Variants in ADAMTSL1 observed in about 807,000 individuals in gnomAD.
ADAMTSL1 encodes the protein ADAMTS like 1.
A neutral mutation model predicts 201.8 loss-of-function variants in ADAMTSL1; 126 were observed. The observed-to-expected ratio is 0.62, with a 90% CI of 0.54 to 0.72. The LOEUF is 0.72. Among genes scored for constraint, ADAMTSL1 ranks in the 30% least tolerant of loss-of-function variants. ADAMTSL1 has a pLI of 0.00. For synonymous variants in ADAMTSL1, 1,121 were observed against 903.4 expected, an observed-to-expected ratio of 1.24 and a Z score of -4.32; for missense variants, 2,679 against 2,277.8, an observed-to-expected ratio of 1.18 and a Z score of -3.59.
chr9:18,661,470 C>G (rs1829088962), intron 8 of ADAMTSL1, among the ~76,000 whole-genome samples: 1 of 152,142 alleles, frequency 6.6e-6, no homozygotes, highest in Non-Finnish European at 1.5e-5. Flanking sequence ...GCTGGCCCCC[C>G]ATGTGCAAGG....
intron 5 of ADAMTSL1, among the ~76,000 whole-genome samples, chr9:18,624,931 A>G (rs962260384): frequency 5.9e-5 from 9 of 152,254 alleles, no homozygotes; most frequent in African/African-American, 2.2e-4. Flanking sequence ...GTCTCATGAC[A>G]AAATGATTGA....
intron 3 of ADAMTSL1, among the ~76,000 whole-genome samples, chr9:18,570,990 T>A (rs1822260624): frequency 6.6e-6 from 1 of 152,184 alleles, no homozygotes; most frequent in African/African-American, 2.4e-5. Context: ...TGTCTAAATG[T>A]GTTTACTGTG....
intron 2 of ADAMTSL1, among the ~76,000 whole-genome samples, chr9:18,294,911 A>G (rs10117046): frequency 0.46 from 69,331 of 151,816 alleles, 16,815 homozygotes; most frequent in South Asian, 0.69. Flanking sequence ...ATAGACTTCT[A>G]TGTCCTTCTT....
chr9:18,879,224 T>C (rs1490434683), intron 23 of ADAMTSL1, among the ~76,000 whole-genome samples: 3 of 152,210 alleles, frequency 2.0e-5, no homozygotes, highest in Non-Finnish European at 4.4e-5. Context: ...TAAAAGCACC[T>C]TAAAGGTTAT....
At chr9:18,101,171 A>T (rs572037121) in intron 1 of ADAMTSL1, among the ~76,000 whole-genome samples, 3 of 152,116 alleles carry the variant, frequency 2.0e-5, no homozygotes, top group Non-Finnish European at 4.4e-5. Flanking sequence ...AGTAGATTCT[A>T]ATTTAAATGA....
chr9:18,430,568 G>T (rs1167400164), intron 2 of ADAMTSL1, among the ~76,000 whole-genome samples: 1 of 152,036 alleles, frequency 6.6e-6, no homozygotes, highest in East Asian at 1.9e-4. Context: ...CATTTAAAAG[G>T]GTTTCATGTG....
chr9:18,838,627 G>C (rs1825490508), intron 23 of ADAMTSL1, among the ~76,000 whole-genome samples: 2 of 152,024 alleles, frequency 1.3e-5, no homozygotes, highest in Non-Finnish European at 2.9e-5. Context: ...AAGCATTTAA[G>C]ACCAGCCTGG....
intron 1 of ADAMTSL1, among the ~76,000 whole-genome samples, chr9:18,128,616 G>A (rs894123658): frequency 6.6e-6 from 1 of 152,126 alleles, no homozygotes; most frequent in Non-Finnish European, 1.5e-5. Context: ...TGGCCCGACA[G>A]TTTGAACTAT....
Position 18,359,622 on chromosome 9 carries a change from G to A in ADAMTSL1, c.208-145207G>A, listed in dbSNP as rs1214082166. On this transcript the variant is annotated intron_variant, in intron 2 of 29. Transcript: ENST00000680146. ...GAAAATTACAGTAATTCCCATTAAG[G>A]AAATGACTGCTTTCTTCTGCACCAA... Among the ~76,000 whole-genome samples the A allele has an allele frequency of 2.6e-5, 4 of 152,224 alleles. No individual in the cohort carries two copies. The East Asian group carries it at 7.7e-4, about 29-fold the overall frequency.
intron 1 of ADAMTSL1, among the ~76,000 whole-genome samples, chr9:17,920,886 G>A (rs1290705822): frequency 1.3e-5 from 2 of 152,242 alleles, no homozygotes; most frequent in Admixed American, 6.5e-5. Flanking sequence ...CCAGGCAAGA[G>A]GGCGGATTTG....
intron 1 of ADAMTSL1, among the ~76,000 whole-genome samples, chr9:17,986,347 C>T (rs1818928973): frequency 6.6e-6 from 1 of 151,992 alleles, no homozygotes; most frequent in Admixed American, 6.6e-5. Flanking sequence ...AAGGCTGACC[C>T]ATTCATTCAA....
intron 2 of ADAMTSL1, among the ~76,000 whole-genome samples, chr9:18,515,937 C>A (rs1811187284): frequency 6.6e-6 from 1 of 152,036 alleles, no homozygotes; most frequent in African/African-American, 2.4e-5. Context: ...AGGTTAATGT[C>A]CTAGTGATTC....
chr9:18,013,516 G>A (rs1820137698), intron 1 of ADAMTSL1, among the ~76,000 whole-genome samples: 1 of 151,918 alleles, frequency 6.6e-6, no homozygotes, highest in African/African-American at 2.4e-5. Context: ...TTTTCTAATG[G>A]TAAATAGCCA....
At chr9:17,974,137 T>A (rs1418894570) in intron 1 of ADAMTSL1, among the ~76,000 whole-genome samples, 1 of 151,986 alleles carries the variant, frequency 6.6e-6, no homozygotes, top group East Asian at 1.9e-4. Flanking sequence ...ACAGCCAATA[T>A]CATACTGAAT....
chr9:18,447,187 A>ATATAG (rs761743847), intron 2 of ADAMTSL1, among the ~76,000 whole-genome samples: 3 of 152,196 alleles, frequency 2.0e-5, no homozygotes, highest in Non-Finnish European at 4.4e-5. Flanking sequence ...TTTCTGTATT[A>ATATAG]TATAGTAATG....
At chr9:17,958,817 G>A (rs1828028137) in intron 1 of ADAMTSL1, among the ~76,000 whole-genome samples, 1 of 152,116 alleles carries the variant, frequency 6.6e-6, no homozygotes, top group Non-Finnish European at 1.5e-5. Context: ...ATTACAGAAA[G>A]ATAACCCTAT....
At chr9:18,790,016 C>A (rs1406099183) in intron 19 of ADAMTSL1, among the ~76,000 whole-genome samples, 2 of 152,110 alleles carry the variant, frequency 1.3e-5, no homozygotes, top group African/African-American at 2.4e-5. Flanking sequence ...AGTAGATGGG[C>A]ATTTCTCTAC....
At position 17,909,630 on chromosome 9, in the gene ADAMTSL1, C is replaced by T. The variant is rs1825858181; in HGVS notation, c.87+2708C>T. On this transcript the variant is annotated intron_variant, in intron 1 of 29. Coordinates refer to the ADAMTSL1 transcript ENST00000680146. ...GGATTAAGAAAATGTGGCACATATA[C>T]ACCATGGAATACTATGCAGCCATAA... 2.9e-5 allele frequency among the ~76,000 whole-genome samples: 2 copies of T among 68,026 alleles called. 1 individual carries two copies. The highest frequency in any genetic ancestry group is 3.6e-4 in the Admixed American group (2 of 5,612). 44.6% of individuals were successfully genotyped at this position (68,026 alleles called of 152,430 possible).
chr9:18,112,445 C>G (rs1253565010), intron 1 of ADAMTSL1, among the ~76,000 whole-genome samples: 4 of 151,752 alleles, frequency 2.6e-5, no homozygotes, highest in African/African-American at 9.7e-5. Flanking sequence ...ACTCAGTTGC[C>G]CATAACAGTT....
Sources: allele counts gnomAD v4.1 joint callset (sites outside exome capture counted in the v4.1 genomes callset), GRCh38; gene constraint gnomAD v4.1.1; transcripts MANE v1.5; gene names NCBI Gene and HGNC (gene_info 2026-07-23, HGNC 2026-07-21).